The following DIPK2A variants were observed in gnomAD, a reference collection of about 807,000 sequenced individuals.
DIPK2A encodes divergent protein kinase domain 2A.
DIPK2A carries 27 observed loss-of-function variants against 39.0 expected under a neutral mutation model. The ratio of observed to expected loss-of-function variants is 0.69; its 90% CI spans 0.51 to 0.96. DIPK2A has a LOEUF of 0.96. DIPK2A is among the 40% of genes least tolerant of loss of function. The pLI, the probability that DIPK2A is intolerant of heterozygous loss-of-function variation, is 0.00. For synonymous variants in DIPK2A, 298 were observed against 240.8 expected (o/e 1.24, Z -2.20); for missense variants, 528 against 571.3 (o/e 0.92, Z 0.77).
chr3:143,972,882 G>T lies in DIPK2A; in HGVS notation c.550G>T (p.Ala184Ser), dbSNP rs757963414. 2 of 1,578,716 alleles carry T rather than the reference G, an allele frequency of 1.3e-6. No individual in the cohort carries two copies. The highest frequency in any genetic ancestry group is 1.7e-6 in the Non-Finnish European group (2 of 1,164,640). Reference sequence around the variant, plus strand: ...TCTCGACCGCCTGGTGCGCCGCTACGCGGAGACCAAGGACTCGGGCAGCTT... The same window carrying T: ...TCTCGACCGCCTGGTGCGCCGCTACTCGGAGACCAAGGACTCGGGCAGCTT... ...RLLDRLVRRY[A>S]ETKDSGSFLL... The change falls in exon 1 of 3, where the codon GCG becomes TCG. Residue 184 changes from alanine (A) to serine (S), a missense_variant. This residue lies in a region of DIPK2A where 309 missense variants were observed against 289.8 expected (regional missense o/e 1.07). Coordinates refer to ENST00000315691, the MANE Select transcript of DIPK2A (RefSeq NM_173552.5).
rs1040694963 is a variant in DIPK2A at position 143,990,306 on chromosome 3, T to G, written c.*465T>G. Reference sequence around the variant, plus strand: ...GTGTAGGGTTTTTTCCCCCTTTTTTTTTTTAATTAAATTTTGAAAATTCAG... The same window carrying G: ...GTGTAGGGTTTTTTCCCCCTTTTTTGTTTTAATTAAATTTTGAAAATTCAG... On this transcript the variant is annotated 3_prime_UTR_variant, in exon 3 of 3. Coordinates refer to ENST00000315691, the MANE Select transcript of DIPK2A (RefSeq NM_173552.5). 6.5e-6 allele frequency: 1 copy of G among 152,936 alleles called. No individual in the cohort carries two copies. The highest frequency in any genetic ancestry group is 2.4e-5 in the African/African-American group (1 of 41,448). The allele number at this position is 152,936 out of a possible 1,614,324, so 9.5% of individuals were successfully genotyped here.
chr3:143,990,948 C>T lies in DIPK2A; in HGVS notation c.*1107C>T, dbSNP rs1339652318. 2 of 152,292 alleles carry T rather than the reference C, an allele frequency of 1.3e-5. No homozygotes were observed. Among genetic ancestry groups the T allele is most frequent in the Non-Finnish European group, 1.5e-5 (1 of 68,004 alleles). The allele number at this position is 152,292 out of a possible 1,614,324, so 9.4% of individuals were successfully genotyped here. ...TTCATGGGTAGTTTTGCAAAATTAACATGGTAGCCATTGTTTGAATTTAAT... is the reference window on the plus strand; with the variant it reads ...TTCATGGGTAGTTTTGCAAAATTAATATGGTAGCCATTGTTTGAATTTAAT... On this transcript the variant is annotated 3_prime_UTR_variant, in exon 3 of 3. Coordinates refer to ENST00000315691, the MANE Select transcript of DIPK2A (RefSeq NM_173552.5).
chr3:143,973,732 A>G, intron 1 of DIPK2A: 2 of 617,558 alleles, frequency 3.2e-6, no homozygotes, highest in Non-Finnish European at 2.9e-6. Flanking sequence ...GAGATGAAAT[A>G]TTAGGCCAGG....
rs1186765697 is a variant in DIPK2A at position 143,976,555 on chromosome 3, TGAGAGA to T, written c.657+3591_657+3596del. Among the ~76,000 whole-genome samples the T allele has an allele frequency of 3.0e-4, 35 of 118,082 alleles. No homozygotes were observed. The East Asian group carries it at 4.5e-3, about 15-fold the overall frequency. 77.5% of individuals were successfully genotyped at this position (118,082 alleles called of 152,430 possible). A position where few individuals can be genotyped will look rare whatever the true frequency, so the allele number is the denominator to read the frequency against. ...GAGTGTGTGTGTGTGTGTGTGTGTG[TGAGAGA>T]GAGAGAGAGAGAGAGAGAGAGAGAT... On this transcript the variant is annotated intron_variant, in intron 1 of 2. Coordinates refer to ENST00000315691, the MANE Select transcript of DIPK2A (RefSeq NM_173552.5).
rs762962816 is a variant in DIPK2A at position 143,972,241 on chromosome 3, C to T, written c.-92C>T. 2 of 1,213,122 alleles carry T rather than the reference C, an allele frequency of 1.6e-6. No individual in the cohort carries two copies. Among genetic ancestry groups the T allele is most frequent in the Non-Finnish European group, 1.1e-6 (1 of 937,310 alleles). 75.1% of individuals were successfully genotyped at this position (1,213,122 alleles called of 1,614,324 possible). A position where few individuals can be genotyped will look rare whatever the true frequency, so the allele number is the denominator to read the frequency against. ...GCCCGCGCGCTAGCTCCTTCTCTCGCCCGGGGTTCCTGCCGGTAGCTCTCC... is the reference window on the plus strand; with the variant it reads ...GCCCGCGCGCTAGCTCCTTCTCTCGTCCGGGGTTCCTGCCGGTAGCTCTCC... On this transcript the variant is annotated 5_prime_UTR_variant, in exon 1 of 3. Transcript: ENST00000315691.
chr3:143,987,989 ACTC>A lies in DIPK2A; in HGVS notation c.962-1518_962-1516del, dbSNP rs2087929478. On this transcript the variant is annotated intron_variant, in intron 2 of 2. Coordinates refer to ENST00000315691, the MANE Select transcript of DIPK2A (RefSeq NM_173552.5). ...AACCTTCAAAAAACATTAACTTACTACTCCTTTGCTTAAATGGTTCTAATGACT... is the reference window on the plus strand; with the variant it reads ...AACCTTCAAAAAACATTAACTTACTACTTTGCTTAAATGGTTCTAATGACT... 2.0e-5 allele frequency among the ~76,000 whole-genome samples: 3 copies of A among 151,704 alleles called. No homozygotes were observed. In the East Asian group the frequency reaches 5.8e-4, roughly 29 times the overall value.
chr3:143,989,818 C>T lies in DIPK2A; in HGVS notation c.1270C>T (p.Gln424Ter), dbSNP rs2087954833. The T allele has an allele frequency of 6.2e-7, 1 of 1,613,040 alleles. No individual in the cohort carries two copies. Among genetic ancestry groups the T allele is most frequent in the Non-Finnish European group, 8.5e-7 (1 of 1,179,268 alleles). The change falls in exon 3 of 3, where the codon CAA becomes TAA. Residue 424 changes from glutamine to a stop codon, truncating the protein, a stop_gained. Coordinates refer to ENST00000315691, the MANE Select transcript of DIPK2A (RefSeq NM_173552.5). LOFTEE classifies it high-confidence loss of function. ...AAAAGAACTGCGTGAATACCTAGCA[C>T]AATTAAGTAACAACGTGAGGTAGTC... ...AAKELREYLAQLSNNVR is the reference protein window; with the variant it reads ...AAKELREYLA
intron 1 of DIPK2A, among the ~76,000 whole-genome samples, chr3:143,982,175 A>G (rs1334343432): frequency 6.6e-6 from 1 of 152,272 alleles, no homozygotes; most frequent in East Asian, 1.9e-4. Flanking sequence ...TTTAGTGACT[A>G]GTCTATATAT....
Position 143,972,223 on chromosome 3 carries a change from C to T in DIPK2A, c.-110C>T. On this transcript the variant is annotated 5_prime_UTR_variant, in exon 1 of 3. Transcript: ENST00000315691. ...ACTCCGCCCTCCGCCCCAGCCCGCG[C>T]GCTAGCTCCTTCTCTCGCCCGGGGT... is the stretch of plus-strand genomic sequence containing the variant. 2 of 1,047,582 alleles carry T rather than the reference C, an allele frequency of 1.9e-6. No homozygotes were observed. The highest frequency in any genetic ancestry group is 3.1e-5 in the East Asian group (1 of 32,078). The allele number at this position is 1,047,582 out of a possible 1,614,324, so 64.9% of individuals were successfully genotyped here.
chr3:143,977,378 T>G (rs2087746137), intron 1 of DIPK2A, among the ~76,000 whole-genome samples: 1 of 152,012 alleles, frequency 6.6e-6, no homozygotes, highest in Non-Finnish European at 1.5e-5. Flanking sequence ...GTGGGTTTAA[T>G]TAAGCTCTTC....
rs1465390310 is a variant in DIPK2A, at chr3:143,990,573, C to G, written c.*732C>G. On this transcript the variant is annotated 3_prime_UTR_variant, in exon 3 of 3. Coordinates refer to ENST00000315691, the MANE Select transcript of DIPK2A (RefSeq NM_173552.5). The stretch of plus-strand genomic sequence containing the variant: ...CTATGCCAATAATTAGAAGTGTACA[C>G]TAAACATGAAGTTTGGCATATGTTG... 1 of 152,256 alleles carries G rather than the reference C, an allele frequency of 6.6e-6. No individual in the cohort carries two copies. The highest frequency in any genetic ancestry group is 2.1e-4 in the South Asian group (1 of 4,826). 9.4% of individuals were successfully genotyped at this position (152,256 alleles called of 1,614,324 possible).
chr3:143,984,858 T>C (rs987662644), intron 1 of DIPK2A, among the ~76,000 whole-genome samples: 1 of 152,142 alleles, frequency 6.6e-6, no homozygotes, highest in African/African-American at 2.4e-5. Context: ...GTTGCATTAA[T>C]AGGATATCAG....
chr3:143,976,553 T>TGAGA (rs1431718846), intron 1 of DIPK2A, among the ~76,000 whole-genome samples: 183 of 103,608 alleles, frequency 1.8e-3, no homozygotes, highest in Non-Finnish European at 2.7e-3. Flanking sequence ...TGTGTGTGTG[T>TGAGA]GTGAGAGAGA....
At position 143,972,440 on chromosome 3, in the gene DIPK2A, C is replaced by T. The variant is rs143615169; in HGVS notation, c.108C>T (p.Leu36=). The change falls in exon 1 of 3, where the codon CTC becomes CTT. Residue 36 remains leucine, a synonymous_variant. Transcript: ENST00000315691. ...VLMVLHSPSL[L]ASWQRNELTD... Reference sequence around the variant, plus strand: ...TGGTGCTGCACTCGCCGTCGCTGCTCGCCTCTTGGCAGCGCAACGAACTGA... The same window carrying T: ...TGGTGCTGCACTCGCCGTCGCTGCTTGCCTCTTGGCAGCGCAACGAACTGA... 1.1e-4 allele frequency: 167 copies of T among 1,586,538 alleles called. 1 individual carries two copies. The African/African-American group carries it at 2.1e-3, about 20-fold the overall frequency.
At chr3:143,978,622 C>CTATATATATATATATCTA (rs2087769269) in intron 1 of DIPK2A, 25 of 121,670 alleles carry the variant, frequency 2.1e-4, no homozygotes, top group Non-Finnish European at 3.7e-4. Flanking sequence ...ATATCTATAT[C>CTATATATATATATATCTA]TATATATATA....
At chr3:143,988,088 C>G (rs574918586) in intron 2 of DIPK2A, among the ~76,000 whole-genome samples, 1 of 151,798 alleles carries the variant, frequency 6.6e-6, no homozygotes, top group African/African-American at 2.4e-5. Flanking sequence ...TGTGACTTGG[C>G]CCTCTTCTGA....
At chr3:143,977,894 A>G (rs965116328) in intron 1 of DIPK2A, among the ~76,000 whole-genome samples, 5 of 152,136 alleles carry the variant, frequency 3.3e-5, no homozygotes, top group Non-Finnish European at 2.9e-5. Context: ...AGAAAGCATC[A>G]CTTCAGAATC....
intron 2 of DIPK2A, 29 bp downstream of exon 2, chr3:143,985,875 A>G: frequency 3.9e-6 from 6 of 1,539,076 alleles, no homozygotes; most frequent in Non-Finnish European, 5.3e-6. Context: ...ATTTTTTTCT[A>G]CTCATTTTTT....
chr3:143,985,651 C>A lies in DIPK2A; in HGVS notation c.766C>A (p.Pro256Thr), dbSNP rs2087888111. ...GEELWSYFNA[P>T]WEKRVDLAWQ... ...AGAACTGTGGAGTTACTTTAATGCG[C>A]CATGGGAAAAACGAGTTGACCTCGC... The change falls in exon 2 of 3, where the codon CCA becomes ACA. Residue 256 changes from proline to threonine, a missense_variant. Physicochemically the swap from Pro to Thr is conservative, Grantham distance 38 (BLOSUM62 -1). Coordinates refer to ENST00000315691, the MANE Select transcript of DIPK2A (RefSeq NM_173552.5). 6.2e-7 allele frequency: 1 copy of A among 1,613,870 alleles called. No homozygotes were observed. Among genetic ancestry groups the A allele is most frequent in the African/African-American group, 1.3e-5 (1 of 74,868 alleles).
Sources: gnomAD v4.1 joint callset for allele counts (sites outside exome capture counted in the v4.1 genomes callset) on GRCh38, gnomAD v4.1.1 for gene constraint, gnomAD v4.1.1 regional missense constraint, MANE v1.5 for transcripts, NCBI Gene and HGNC (gene_info 2026-07-23, HGNC 2026-07-21) for gene names.